The following RGS17 variants were observed in gnomAD, a reference collection of about 807,000 sequenced individuals.
RGS17 encodes regulator of G protein signaling 17.
In RGS17, 12 loss-of-function variants were observed where a neutral mutation model predicts 25.5. That is an observed-to-expected ratio of 0.47 (90% CI 0.30 to 0.76). The LOEUF (loss-of-function observed/expected upper bound fraction) is 0.76. Among genes scored for constraint, RGS17 ranks in the 30% least tolerant of loss-of-function variants. RGS17 has a pLI of 0.07. For missense variants in RGS17, 196 were observed against 242.2 expected (o/e 0.81, Z 1.27); for synonymous variants, 71 against 76.9 (o/e 0.92, Z 0.40).
chr6:153,081,572 T>C (rs554548713), intron 1 of RGS17, among the ~76,000 whole-genome samples: 11 of 152,162 alleles, frequency 7.2e-5, no homozygotes, highest in East Asian at 5.8e-4. Context: ...ACTTATACGG[T>C]TGGTTTTAGT....
At chr6:153,111,664 G>A (rs1212433989) in intron 1 of RGS17, among the ~76,000 whole-genome samples, 2 of 152,190 alleles carry the variant, frequency 1.3e-5, no homozygotes, top group African/African-American at 2.4e-5. Flanking sequence ...CTCCCAGCAG[G>A]GGTTGACAGA....
chr6:153,045,260 G>A (rs1023276816), intron 1 of RGS17, among the ~76,000 whole-genome samples: 1 of 152,154 alleles, frequency 6.6e-6, no homozygotes, highest in African/African-American at 2.4e-5. Flanking sequence ...GCGGGCAAAG[G>A]TCCACACTCC....
At chr6:153,112,790 T>C (rs1410647778) in intron 1 of RGS17, among the ~76,000 whole-genome samples, 1 of 152,120 alleles carries the variant, frequency 6.6e-6, no homozygotes, top group Non-Finnish European at 1.5e-5. Flanking sequence ...AAGAAAGCAA[T>C]TTTCAAACCA....
chr6:153,050,165 G>A (rs1003464675), intron 1 of RGS17, among the ~76,000 whole-genome samples: 6 of 152,098 alleles, frequency 3.9e-5, no homozygotes, highest in Non-Finnish European at 5.9e-5. Flanking sequence ...AAAAATAGAT[G>A]TTACAAATTC....
chr6:153,048,825 T>C (rs1193818857), intron 1 of RGS17, among the ~76,000 whole-genome samples: 1 of 152,212 alleles, frequency 6.6e-6, no homozygotes, highest in Non-Finnish European at 1.5e-5. Flanking sequence ...CTTGTCTCCA[T>C]ATAATGTATC....
intron 2 of RGS17, among the ~76,000 whole-genome samples, chr6:153,031,262 A>G (rs546354177): frequency 1.3e-5 from 2 of 152,234 alleles, no homozygotes; most frequent in Non-Finnish European, 2.9e-5. Flanking sequence ...GCAATGAACT[A>G]CTTCACAAGG....
chr6:153,078,328 C>G (rs912238927), intron 1 of RGS17, among the ~76,000 whole-genome samples: 1 of 152,080 alleles, frequency 6.6e-6, no homozygotes, highest in Admixed American at 6.5e-5. Context: ...CTTTTGGGAT[C>G]TTCATTGAGG....
intron 1 of RGS17, among the ~76,000 whole-genome samples, chr6:153,065,942 T>G (rs1370547562): frequency 2.6e-5 from 4 of 151,658 alleles, no homozygotes; most frequent in Non-Finnish European, 1.5e-5. Context: ...CAGAGAGAAA[T>G]AAATGAATTT....
chr6:153,040,396 A>G (rs2129109772), intron 2 of RGS17, among the ~76,000 whole-genome samples: 1 of 152,330 alleles, frequency 6.6e-6, no homozygotes, highest in South Asian at 2.1e-4. Context: ...ACAATGAAAT[A>G]TGAATGAGAA....
intron 1 of RGS17, among the ~76,000 whole-genome samples, chr6:153,105,894 T>G (rs1164112897): frequency 2.6e-5 from 4 of 152,170 alleles, no homozygotes; most frequent in Non-Finnish European, 5.9e-5. Context: ...GCTTTCAGAC[T>G]GTAGTGTGGC....
At chr6:153,045,163 C>G (rs907631596) in intron 1 of RGS17, among the ~76,000 whole-genome samples, 4 of 152,036 alleles carry the variant, frequency 2.6e-5, no homozygotes, top group African/African-American at 9.7e-5. Context: ...ACATATTTTT[C>G]GACCAGAAAC....
intron 1 of RGS17, among the ~76,000 whole-genome samples, chr6:153,093,384 T>G (rs1347447445): frequency 6.6e-6 from 1 of 152,214 alleles, no homozygotes; most frequent in East Asian, 1.9e-4. Flanking sequence ...GTACCCAGTG[T>G]GGTGAACCTT....
At chr6:153,093,894 T>C (rs749526835) in intron 1 of RGS17, among the ~76,000 whole-genome samples, 100 of 152,262 alleles carry the variant, frequency 6.6e-4, no homozygotes, top group Non-Finnish European at 1.4e-3. Context: ...TACTTAGCCT[T>C]AGTTTTCCCA....
chr6:153,017,636 T>C (rs1432488748), intron 4 of RGS17, among the ~76,000 whole-genome samples: 1 of 152,212 alleles, frequency 6.6e-6, no homozygotes, highest in African/African-American at 2.4e-5. Context: ...GGCATAATTA[T>C]ACGAGAATAT....
chr6:153,055,938 A>G (rs1776547867), intron 1 of RGS17, among the ~76,000 whole-genome samples: 1 of 152,234 alleles, frequency 6.6e-6, no homozygotes, highest in African/African-American at 2.4e-5. Flanking sequence ...AAATAAAACA[A>G]AATACAATGT....
At chr6:153,105,960 A>C (rs1387180730) in intron 1 of RGS17, among the ~76,000 whole-genome samples, 1 of 152,154 alleles carries the variant, frequency 6.6e-6, no homozygotes, top group Non-Finnish European at 1.5e-5. Context: ...GTGGAGCGAA[A>C]TGGCAATGGA....
At chr6:153,017,174 T>C (rs113324356) in intron 4 of RGS17, among the ~76,000 whole-genome samples, 2,731 of 152,188 alleles carry the variant, frequency 0.018, 87 homozygotes, top group African/African-American at 0.061. Flanking sequence ...CAAGACAGCA[T>C]GATAGGTTTG....
intron 1 of RGS17, among the ~76,000 whole-genome samples, chr6:153,100,403 G>A (rs1777282577): frequency 6.6e-6 from 1 of 152,052 alleles, no homozygotes; most frequent in African/African-American, 2.4e-5. Context: ...AGAATCAAAT[G>A]TTAGAACTGG....
At chr6:153,017,894 C>T (rs116039942) in intron 4 of RGS17, among the ~76,000 whole-genome samples, 2,291 of 152,150 alleles carry the variant, frequency 0.015, 41 homozygotes, top group African/African-American at 0.051. Context: ...TTCTTTTCTG[C>T]TTTTAATTTG....
Sources: allele counts gnomAD v4.1 joint callset (sites outside exome capture counted in the v4.1 genomes callset), GRCh38; gene constraint gnomAD v4.1.1; transcripts MANE v1.5; gene names NCBI Gene and HGNC (gene_info 2026-07-23, HGNC 2026-07-21).